FAM184A: variants seen among roughly 807,000 people sequenced by gnomAD.
FAM184A encodes protein FAM184A.
Under a neutral mutation model 143.8 loss-of-function variants are expected in FAM184A, and 99 were observed. The observed-to-expected ratio is 0.69, with a 90% CI of 0.58 to 0.81. FAM184A has a LOEUF of 0.81. Ranked by LOEUF, FAM184A falls within the 40% of genes least tolerant of loss-of-function variation. The pLI, the probability that FAM184A is intolerant of heterozygous loss-of-function variation, is 0.00. For synonymous variants in FAM184A, 427 were observed against 446.4 expected (o/e 0.96, Z 0.55); for missense variants, 1,217 against 1,310.5 (o/e 0.93, Z 1.10).
chr6:119,052,642 T>C (rs1786809848), intron 1 of FAM184A, among the ~76,000 whole-genome samples: 1 of 152,206 alleles, frequency 6.6e-6, no homozygotes, highest in Admixed American at 6.5e-5. Flanking sequence ...CTCTGTGGCC[T>C]TCAGAGTTGT....
intron 1 of FAM184A, among the ~76,000 whole-genome samples, chr6:119,093,005 T>C (rs1161224254): frequency 1.3e-5 from 2 of 152,216 alleles, no homozygotes; most frequent in East Asian, 1.9e-4. Context: ...ACATGAATTA[T>C]GTCCATCTGG....
chr6:119,024,697 C>A lies in FAM184A; in HGVS notation c.276G>T (p.Leu92Phe). Reference protein sequence around the residue: ...QILAETREKILQYKSKVTEEL... With the variant: ...QILAETREKIFQYKSKVTEEL... Reference sequence around the variant, plus strand: ...CCTCTGTTACTTTGCTTTTATACTGCAATATTTTTTCTCTTGTTTCAGCAA... The same window carrying A: ...CCTCTGTTACTTTGCTTTTATACTGAAATATTTTTTCTCTTGTTTCAGCAA... Residue 92 changes from leucine to phenylalanine, a missense_variant, in exon 2 of 18, where the codon TTG becomes TTT. Physicochemically the swap from Leu to Phe is conservative, Grantham distance 22. Coordinates refer to ENST00000338891, the MANE Select transcript of FAM184A (RefSeq NM_024581.6). 1 of 1,613,924 alleles carries A rather than the reference C, an allele frequency of 6.2e-7. No homozygotes were observed. The highest frequency in any genetic ancestry group is 2.2e-5 in the East Asian group (1 of 44,882).
At chr6:119,008,585 T>C (rs1466204380) in intron 6 of FAM184A, among the ~76,000 whole-genome samples, 4 of 151,930 alleles carry the variant, frequency 2.6e-5, no homozygotes, top group Non-Finnish European at 5.9e-5. Context: ...AGTCAATAAA[T>C]TTTTTTTTCT....
intron 1 of FAM184A, among the ~76,000 whole-genome samples, chr6:119,066,477 T>C (rs1787455447): frequency 6.6e-6 from 1 of 152,194 alleles, no homozygotes; most frequent in Non-Finnish European, 1.5e-5. Context: ...TCACAGGTTC[T>C]AGGTATTAGA....
intron 16 of FAM184A, chr6:118,962,706 GAT>G (rs1554264081): frequency 2.0e-5 from 3 of 151,948 alleles, no homozygotes; most frequent in Non-Finnish European, 4.4e-5. Flanking sequence ...AAAATTAAGA[GAT>G]AAAAAGACAA....
rs771136952 is a variant in FAM184A at position 119,006,061 on chromosome 6, A to T, written c.1815+386T>A. ...GATGTATTAAGTTAAGATGATGTCA[A>T]ACTGGAGTAGAATGAGCCCTTGTTC... On this transcript the variant is annotated intron_variant, in intron 7 of 17. Coordinates refer to ENST00000338891, the MANE Select transcript of FAM184A (RefSeq NM_024581.6). The T allele has an allele frequency of 2.2e-5, 17 of 764,482 alleles. No homozygotes were observed. In the East Asian group the frequency reaches 4.1e-4, roughly 19 times the overall value. The allele number at this position is 764,482 out of a possible 1,614,324, so 47.4% of individuals were successfully genotyped here.
intron 1 of FAM184A, among the ~76,000 whole-genome samples, chr6:119,033,224 G>A (rs1562482099): frequency 6.6e-6 from 1 of 152,184 alleles, no homozygotes; most frequent in Non-Finnish European, 1.5e-5. Context: ...ATAAGGGCAT[G>A]TTAATAAAAT....
At chr6:119,138,875 C>A (rs1772112111) in intron 1 of FAM184A, among the ~76,000 whole-genome samples, 1 of 152,182 alleles carries the variant, frequency 6.6e-6, no homozygotes, top group South Asian at 2.1e-4. Context: ...GATCTGCCCT[C>A]TTCGGCCTCC....
chr6:119,087,731 A>T (rs1788257138), intron 1 of FAM184A, among the ~76,000 whole-genome samples: 1 of 152,240 alleles, frequency 6.6e-6, no homozygotes, highest in Non-Finnish European at 1.5e-5. Context: ...TATGATTCAG[A>T]AATTTCACCT....
intron 1 of FAM184A, among the ~76,000 whole-genome samples, chr6:119,137,791 G>A (rs1772072047): frequency 6.6e-6 from 1 of 152,172 alleles, no homozygotes; most frequent in Non-Finnish European, 1.5e-5. Flanking sequence ...TCAGAGCCAA[G>A]GCCCTGTCTC....
chr6:119,003,557 C>A lies in FAM184A; in HGVS notation c.1881G>T (p.Lys627Asn). The A allele has an allele frequency of 6.2e-7, 1 of 1,613,046 alleles. No individual in the cohort carries two copies. Residue 627 changes from lysine to asparagine, a missense_variant, in exon 8 of 18, where the codon AAG becomes AAT. Transcript: ENST00000338891. ...ETIAAMKEEE[K>N]LKVDKMAHDL... ...CATGGGCCATTTTGTCCACTTTGAG[C>A]TTCTCTTCTTCTTTCATGGCAGCAA... is the stretch of plus-strand genomic sequence containing the variant.
chr6:119,135,012 G>A (rs1789626632), intron 1 of FAM184A, among the ~76,000 whole-genome samples: 3 of 152,264 alleles, frequency 2.0e-5, no homozygotes, highest in South Asian at 2.1e-4. Context: ...CTCCTAGTAC[G>A]TTCCTTAAAA....
chr6:119,127,581 C>A (rs1258899908), intron 1 of FAM184A, among the ~76,000 whole-genome samples: 13 of 152,170 alleles, frequency 8.5e-5, no homozygotes, highest in Admixed American at 7.9e-4. Flanking sequence ...ATTATGTGAT[C>A]CCGGTCAAAT....
intron 9 of FAM184A, among the ~76,000 whole-genome samples, chr6:119,002,048 G>C (rs1312630850): frequency 6.6e-6 from 1 of 151,988 alleles, no homozygotes; most frequent in Non-Finnish European, 1.5e-5. Context: ...TGAGATACTA[G>C]ACACAAATTG....
intron 1 of FAM184A, among the ~76,000 whole-genome samples, chr6:119,064,428 T>C (rs1327386463): frequency 6.6e-6 from 1 of 152,190 alleles, no homozygotes; most frequent in African/African-American, 2.4e-5. Flanking sequence ...AGGCTGGGCA[T>C]GGTGGCTTAT....
At chr6:119,116,521 A>T (rs573416710) in intron 1 of FAM184A, among the ~76,000 whole-genome samples, 2 of 152,312 alleles carry the variant, frequency 1.3e-5, no homozygotes, top group Non-Finnish European at 2.9e-5. Flanking sequence ...ACCTGTTTTT[A>T]AAAAAGAAAA....
intron 5 of FAM184A, among the ~76,000 whole-genome samples, chr6:119,011,806 C>G (rs964194306): frequency 6.6e-6 from 1 of 152,154 alleles, no homozygotes; most frequent in Non-Finnish European, 1.5e-5. Flanking sequence ...TTCTACAAAT[C>G]AGTGGTCTAG....
chr6:118,995,853 T>G (rs1470236542), intron 9 of FAM184A, among the ~76,000 whole-genome samples: 2 of 152,236 alleles, frequency 1.3e-5, no homozygotes. Flanking sequence ...GCTGTCTAAA[T>G]GTTCTTAAGC....
In FAM184A at chr6:118,970,008, A is replaced by ATATATATATATT; in HGVS notation, c.2916-3057_2916-3056insAATATATATATA. On this transcript the variant is annotated intron_variant, in intron 14 of 17. Transcript: ENST00000338891. ...ATATATATATAATATATATATATAT[A>ATATATATATATT]TTTTTTTTTTTTTGAGATGGAGTTT... Among the ~76,000 whole-genome samples the ATATATATATATT allele has an allele frequency of 2.7e-3, 52 of 19,050 alleles. 10 individuals carry two copies. The East Asian group carries it at 0.058, about 21-fold the overall frequency. The allele number at this position is 19,050 out of a possible 152,430, so 12.5% of individuals were successfully genotyped here. A position where few individuals can be genotyped will look rare whatever the true frequency, so the allele number is the denominator to read the frequency against.
Sources: gnomAD v4.1 joint callset for allele counts (sites outside exome capture counted in the v4.1 genomes callset) on GRCh38, gnomAD v4.1.1 for gene constraint, MANE v1.5 for transcripts, NCBI Gene and HGNC (gene_info 2026-07-23, HGNC 2026-07-21) for gene names.